The following ATP10A variants were observed in gnomAD, a reference collection of about 807,000 sequenced individuals.
The protein encoded by ATP10A is phospholipid-transporting ATPase VA.
A neutral mutation model predicts 147.8 loss-of-function variants in ATP10A; 111 were observed. The ratio of observed to expected loss-of-function variants is 0.75; its 90% CI spans 0.64 to 0.88. The LOEUF is 0.88. ATP10A is among the 40% of genes least tolerant of loss of function. The probability of loss-of-function intolerance (pLI) is 0.00; values close to 1 mark genes in which losing one functional copy is unlikely to be tolerated. For synonymous variants in ATP10A, 875 were observed against 841.6 expected, an observed-to-expected ratio of 1.04 and a Z score of -0.69; for missense variants, 1,927 against 1,959.0, an observed-to-expected ratio of 0.98 and a Z score of 0.31.
intron 1 of ATP10A, among the ~76,000 whole-genome samples, chr15:25,820,131 T>C (rs1430796508): frequency 1.3e-5 from 2 of 152,058 alleles, no homozygotes; most frequent in East Asian, 1.9e-4. Context: ...GAAATACATA[T>C]AGATAAATAA....
chr15:25,835,427 C>T (rs538842191), intron 1 of ATP10A, among the ~76,000 whole-genome samples: 2 of 152,244 alleles, frequency 1.3e-5, no homozygotes, highest in South Asian at 2.1e-4. Flanking sequence ...ATAAAGCCCC[C>T]GCAGGAGCAG....
intron 1 of ATP10A, among the ~76,000 whole-genome samples, chr15:25,792,871 A>ATCTTTTTT (rs1567388139): frequency 2.7e-5 from 1 of 37,268 alleles, no homozygotes; most frequent in East Asian, 1.3e-3. Flanking sequence ...CTCCTTTTCA[A>ATCTTTTTT]TCTTTTTTTT....
chr15:25,800,408 TC>T (rs1890882594), intron 1 of ATP10A, among the ~76,000 whole-genome samples: 1 of 151,992 alleles, frequency 6.6e-6, no homozygotes, highest in South Asian at 2.1e-4. Context: ...TGCTCCTGCC[TC>T]CCCAGGGGAC....
intron 13 of ATP10A, among the ~76,000 whole-genome samples, chr15:25,697,060 C>A (rs1900379038): frequency 6.6e-6 from 1 of 152,186 alleles, no homozygotes. Context: ...AAAGGGGATT[C>A]TTGGGGAACC....
chr15:25,854,118 G>A (rs77445809), intron 1 of ATP10A, among the ~76,000 whole-genome samples: 4,389 of 152,222 alleles, frequency 0.029, 244 homozygotes, highest in African/African-American at 0.099. Flanking sequence ...AGGAGAAGTG[G>A]TTGGTTCTAG....
In ATP10A at chr15:25,713,885, G is replaced by A; in HGVS notation, c.2133C>T (p.Asn711=). 1 of 1,613,778 alleles carries A rather than the reference G, an allele frequency of 6.2e-7. No individual in the cohort carries two copies. The change falls in exon 10 of 21, where the codon AAC becomes AAT. Residue 711 remains asparagine (N), a synonymous_variant. Transcript: ENST00000555815. Reference sequence around the variant, plus strand: ...CGTGCAGCCGCTCCACAAGCACGCAGTTGTAGGCTCTGGCCGCATACACCA... The same window carrying A: ...CGTGCAGCCGCTCCACAAGCACGCAATTGTAGGCTCTGGCCGCATACACCA... ...AALVYAARAY[N]CVLVERLHDQ...
At position 25,687,621 on chromosome 15, in the gene ATP10A, T is replaced by C. The variant is rs550494316; in HGVS notation, c.3291+82A>G. Reference sequence around the variant, plus strand: ...TGTCCATGGCCTCCCATCTGCTCCATCCTCCTTCGCCTCATTCAGGCGATG... The same window carrying C: ...TGTCCATGGCCTCCCATCTGCTCCACCCTCCTTCGCCTCATTCAGGCGATG... On this transcript the variant is annotated intron_variant, in intron 16 of 20. Coordinates refer to ENST00000555815, the MANE Select transcript of ATP10A (RefSeq NM_024490.4). The C allele has an allele frequency of 2.8e-4, 247 of 877,932 alleles. No individual in the cohort carries two copies. In the African/African-American group the frequency reaches 4.2e-3, roughly 15 times the overall value. The allele number at this position is 877,932 out of a possible 1,614,324, so 54.4% of individuals were successfully genotyped here. A position where few individuals can be genotyped will look rare whatever the true frequency, so the allele number is the denominator to read the frequency against.
At chr15:25,804,953 G>A (rs577312039) in intron 1 of ATP10A, among the ~76,000 whole-genome samples, 8 of 152,340 alleles carry the variant, frequency 5.3e-5, no homozygotes, top group Non-Finnish European at 1.0e-4. Flanking sequence ...GCCTGGGTAG[G>A]TGGAGGCTCT....
intron 15 of ATP10A, among the ~76,000 whole-genome samples, chr15:25,689,578 G>A (rs955092762): frequency 1.3e-5 from 2 of 152,178 alleles, no homozygotes; most frequent in Admixed American, 6.5e-5. Flanking sequence ...GCAAGCAACA[G>A]GGTCCCAGTG....
intron 3 of ATP10A, among the ~76,000 whole-genome samples, chr15:25,732,466 A>T (rs977639582): frequency 6.6e-6 from 1 of 150,998 alleles, no homozygotes; most frequent in African/African-American, 2.4e-5. Context: ...TCCCATTCCT[A>T]TCTCATTCCA....
intron 2 of ATP10A, among the ~76,000 whole-genome samples, chr15:25,778,644 G>A (rs1889744688): frequency 6.6e-6 from 1 of 152,144 alleles, no homozygotes; most frequent in African/African-American, 2.4e-5. Flanking sequence ...ACCAGATCAT[G>A]GCTCAAAGCT....
chr15:25,816,035 A>T (rs1891640968), intron 1 of ATP10A, among the ~76,000 whole-genome samples: 1 of 150,624 alleles, frequency 6.6e-6, no homozygotes, highest in Admixed American at 6.7e-5. Flanking sequence ...GAAGATCTAG[A>T]ATGCCAGTAA....
chr15:25,695,818 C>G (rs1055104845), intron 13 of ATP10A, among the ~76,000 whole-genome samples: 1 of 152,054 alleles, frequency 6.6e-6, no homozygotes, highest in Non-Finnish European at 1.5e-5. Flanking sequence ...TTACCTAACC[C>G]CCCAAGGACT....
At chr15:25,720,590 G>A (rs76101819) in intron 7 of ATP10A, among the ~76,000 whole-genome samples, 2,043 of 151,732 alleles carry the variant, frequency 0.013, 15 homozygotes, top group Middle Eastern at 0.027. Context: ...GAGAGGAGAG[G>A]AGGGTAGGAG....
At chr15:25,680,003 T>TAA (rs1393153711) in intron 20 of ATP10A, 29 bp from the exon 21 acceptor site, 2 of 1,585,318 alleles carry the variant, frequency 1.3e-6, no homozygotes, top group African/African-American at 2.7e-5. Flanking sequence ...AACAAAAAGT[T>TAA]AGATATTCCT....
chr15:25,763,744 G>C (rs1888878870), intron 2 of ATP10A, among the ~76,000 whole-genome samples: 1 of 152,178 alleles, frequency 6.6e-6, no homozygotes, highest in Non-Finnish European at 1.5e-5. Flanking sequence ...TTGCAGATGA[G>C]AGCTGGCCAG....
chr15:25,744,391 T>C (rs1364429268), intron 2 of ATP10A, among the ~76,000 whole-genome samples: 1 of 152,162 alleles, frequency 6.6e-6, no homozygotes, highest in Non-Finnish European at 1.5e-5. Context: ...TGTATATATA[T>C]ATGAAATACA....
chr15:25,773,512 G>A (rs977539921), intron 2 of ATP10A, among the ~76,000 whole-genome samples: 1 of 152,020 alleles, frequency 6.6e-6, no homozygotes, highest in African/African-American at 2.4e-5. Flanking sequence ...GATTGCGTGG[G>A]CACCCCTCAC....
intron 2 of ATP10A, among the ~76,000 whole-genome samples, chr15:25,752,463 G>A (rs894569804): frequency 6.6e-6 from 1 of 152,214 alleles, no homozygotes; most frequent in African/African-American, 2.4e-5. Context: ...CAGAAGCAGA[G>A]AGTGGAATTG....
Sources: gnomAD v4.1 joint callset for allele counts (sites outside exome capture counted in the v4.1 genomes callset) on GRCh38, gnomAD v4.1.1 for gene constraint, MANE v1.5 for transcripts, NCBI Gene and HGNC (gene_info 2026-07-23, HGNC 2026-07-21) for gene names.